GRID2: variants seen among roughly 807,000 people sequenced by gnomAD.
GRID2 encodes the protein glutamate ionotropic receptor delta type subunit 2.
GRID2 carries 33 observed loss-of-function variants against 114.8 expected under a neutral mutation model. That is an observed-to-expected ratio of 0.29 (90% CI 0.22 to 0.38). GRID2 has a LOEUF of 0.38. GRID2 is among the 10% of genes least tolerant of loss of function. The probability of loss-of-function intolerance (pLI) is 1.00; values close to 1 mark genes in which losing one functional copy is unlikely to be tolerated. For synonymous variants in GRID2, 505 were observed against 449.9 expected, an observed-to-expected ratio of 1.12 and a Z score of -1.55; for missense variants, 1,184 against 1,257.7, an observed-to-expected ratio of 0.94 and a Z score of 0.89.
intron 2 of GRID2, among the ~76,000 whole-genome samples, chr4:92,600,039 T>TAAATATATAC (rs1560481851): frequency 1.2e-5 from 1 of 80,498 alleles, no homozygotes; most frequent in Non-Finnish European, 2.5e-5. Context: ...TGTGTGTGTG[T>TAAATATATAC]GTGTGTATAT....
intron 1 of GRID2, among the ~76,000 whole-genome samples, chr4:92,479,566 G>A (rs1405103082): frequency 1.3e-5 from 2 of 152,036 alleles, no homozygotes; most frequent in East Asian, 3.8e-4. Flanking sequence ...TTACATATGG[G>A]AAAACTGAGG....
Position 93,003,033 on chromosome 4 carries a change from A to G in GRID2, c.245-81962A>G, listed in dbSNP as rs181848799. Among the ~76,000 whole-genome samples, 15 of 151,984 alleles carry G rather than the reference A, an allele frequency of 9.9e-5. 1 individual carries two copies. The highest frequency in any genetic ancestry group is 3.6e-4 in the African/African-American group (15 of 41,544). On this transcript the variant is annotated intron_variant, in intron 2 of 15. Transcript: ENST00000282020. ...CTCTTATTAGAACACTTGTGATTACATTTTGGATCCACCTGGATAATCAAA... is the reference window on the plus strand; with the variant it reads ...CTCTTATTAGAACACTTGTGATTACGTTTTGGATCCACCTGGATAATCAAA...
intron 10 of GRID2, among the ~76,000 whole-genome samples, chr4:93,454,863 C>T (rs1723041371): frequency 6.6e-6 from 1 of 151,962 alleles, no homozygotes; most frequent in Non-Finnish European, 1.5e-5. Context: ...TCAAAAAAGA[C>T]ACATCTTTTA....
intron 2 of GRID2, among the ~76,000 whole-genome samples, chr4:92,961,792 A>T (rs967209835): frequency 4.0e-5 from 6 of 151,034 alleles, no homozygotes; most frequent in Non-Finnish European, 7.4e-5. Flanking sequence ...TGATAGTCTC[A>T]TTACATATAT....
chr4:93,601,932 A>C (rs923598368), intron 13 of GRID2, among the ~76,000 whole-genome samples: 1 of 152,152 alleles, frequency 6.6e-6, no homozygotes, highest in African/African-American at 2.4e-5. Context: ...ACAACTGATC[A>C]CCATATAGTT....
chr4:93,081,747 A>G (rs1729887880), intron 2 of GRID2, among the ~76,000 whole-genome samples: 1 of 152,210 alleles, frequency 6.6e-6, no homozygotes, highest in African/African-American at 2.4e-5. Flanking sequence ...TTAATTTAAA[A>G]TAGTTGATAA....
intron 2 of GRID2, among the ~76,000 whole-genome samples, chr4:92,621,690 A>G (rs1730283759): frequency 6.6e-6 from 1 of 151,794 alleles, no homozygotes; most frequent in Admixed American, 6.6e-5. Flanking sequence ...AGAGATAAGG[A>G]ACCAAGTAAT....
intron 2 of GRID2, among the ~76,000 whole-genome samples, chr4:92,878,110 T>C (rs1165668048): frequency 6.6e-6 from 1 of 152,176 alleles, no homozygotes; most frequent in Non-Finnish European, 1.5e-5. Context: ...TAAATTCTTC[T>C]ACAGAGAAGA....
At chr4:92,993,562 T>G (rs1465296836) in intron 2 of GRID2, among the ~76,000 whole-genome samples, 1 of 152,228 alleles carries the variant, frequency 6.6e-6, no homozygotes, top group Non-Finnish European at 1.5e-5. Context: ...AATCTCCATC[T>G]CTTCTCCCAT....
intron 2 of GRID2, among the ~76,000 whole-genome samples, chr4:92,938,543 G>T (rs2904464): frequency 6.9e-6 from 1 of 144,842 alleles, no homozygotes; most frequent in African/African-American, 2.4e-5. Flanking sequence ...ATTAAGATTA[G>T]TGGGAGGATT....
intron 4 of GRID2, among the ~76,000 whole-genome samples, chr4:93,162,972 A>G (rs941472642): frequency 1.3e-5 from 2 of 152,018 alleles, no homozygotes; most frequent in African/African-American, 4.8e-5. Context: ...TTTCTAGAGC[A>G]TAATAGTTTT....
intron 1 of GRID2, among the ~76,000 whole-genome samples, chr4:92,384,522 T>TAATATAATATATAATATAATATATAA (rs1560598887): frequency 7.5e-4 from 24 of 32,114 alleles, no homozygotes; most frequent in Non-Finnish European, 9.8e-4. Context: ...TAATATTATA[T>TAATATAATATATAATATAATATATAA]AATATAATAT....
intron 1 of GRID2, among the ~76,000 whole-genome samples, chr4:92,408,431 CTTTTTTTTTTTTTT>C (rs35638036): frequency 3.3e-3 from 65 of 19,436 alleles, no homozygotes; most frequent in African/African-American, 9.2e-3. Flanking sequence ...TATTCAAGCT[CTTTTTTTTTTTTTT>C]TTTTTTTTTT....
At chr4:93,076,317 G>A (rs1729293218) in intron 2 of GRID2, among the ~76,000 whole-genome samples, 1 of 152,156 alleles carries the variant, frequency 6.6e-6, no homozygotes, top group South Asian at 2.1e-4. Context: ...GCATGAAAAT[G>A]TAAATCAGTG....
At chr4:92,490,320 T>C (rs1723091031) in intron 1 of GRID2, among the ~76,000 whole-genome samples, 1 of 152,162 alleles carries the variant, frequency 6.6e-6, no homozygotes, top group Non-Finnish European at 1.5e-5. Context: ...AAGAAAAAAT[T>C]ATAGGTATCT....
intron 2 of GRID2, among the ~76,000 whole-genome samples, chr4:92,790,630 C>T (rs113245580): frequency 5.3e-5 from 8 of 151,114 alleles, no homozygotes; most frequent in African/African-American, 1.9e-4. Context: ...ATTGCCCAGG[C>T]TGGTCTCAAA....
intron 2 of GRID2, among the ~76,000 whole-genome samples, chr4:92,675,568 T>TTTTTTTTTTTTA (rs1322626980): frequency 4.0e-5 from 6 of 151,178 alleles, no homozygotes; most frequent in Admixed American, 6.6e-5. Flanking sequence ...TTTTTTTTTT[T>TTTTTTTTTTTTA]GAGACAGAGT....
chr4:92,516,846 T>C (rs924322258), intron 1 of GRID2, among the ~76,000 whole-genome samples: 1 of 151,924 alleles, frequency 6.6e-6, no homozygotes, highest in African/African-American at 2.4e-5. Context: ...CAGTCTGCTC[T>C]TCTTCGTTAG....
chr4:93,314,834 A>G (rs1351164559), intron 8 of GRID2, among the ~76,000 whole-genome samples: 1 of 151,856 alleles, frequency 6.6e-6, no homozygotes, highest in Non-Finnish European at 1.5e-5. Context: ...CATCTCACCT[A>G]TTTGCCATTT....
Sources: gnomAD v4.1 joint callset for allele counts (sites outside exome capture counted in the v4.1 genomes callset) on GRCh38, gnomAD v4.1.1 for gene constraint, MANE v1.5 for transcripts, NCBI Gene and HGNC (gene_info 2026-07-23, HGNC 2026-07-21) for gene names.